EFNA5: variants seen among roughly 807,000 people sequenced by gnomAD.
EFNA5 encodes the protein ephrin A5, also known as ephrin-A5.
A neutral mutation model predicts 22.9 loss-of-function variants in EFNA5; 5 were observed. That is an observed-to-expected ratio of 0.22 (90% CI 0.11 to 0.46). EFNA5 has a LOEUF of 0.46. Ranked by LOEUF, EFNA5 falls within the 20% of genes least tolerant of loss-of-function variation. EFNA5 has a pLI of 0.99. For missense variants in EFNA5, 237 were observed against 293.3 expected, an observed-to-expected ratio of 0.81 and a Z score of 1.40; for synonymous variants, 113 against 112.2, an observed-to-expected ratio of 1.01 and a Z score of -0.04.
intron 1 of EFNA5, among the ~76,000 whole-genome samples, chr5:107,470,354 G>A (rs551813403): frequency 4.3e-4 from 66 of 152,326 alleles, no homozygotes; most frequent in African/African-American, 1.5e-3. Context: ...CAAAGCAAAT[G>A]ACACCCAATT....
chr5:107,669,527 G>A (rs1580593107), intron 1 of EFNA5, among the ~76,000 whole-genome samples: 1 of 151,842 alleles, frequency 6.6e-6, no homozygotes, highest in East Asian at 2.0e-4. Context: ...GGGCACTCTG[G>A]ATAACCTCCC....
At chr5:107,594,483 G>T (rs1749436059) in intron 1 of EFNA5, among the ~76,000 whole-genome samples, 1 of 152,144 alleles carries the variant, frequency 6.6e-6, no homozygotes, top group Admixed American at 6.5e-5. Flanking sequence ...GGATAAGTGT[G>T]CCAGCTGCTG....
intron 1 of EFNA5, among the ~76,000 whole-genome samples, chr5:107,610,884 A>T (rs961157827): frequency 6.6e-6 from 1 of 152,180 alleles, no homozygotes; most frequent in African/African-American, 2.4e-5. Context: ...TAGCAAGCAG[A>T]GAATTTTCTA....
At chr5:107,455,613 T>C (rs935041898) in intron 1 of EFNA5, among the ~76,000 whole-genome samples, 67 of 152,168 alleles carry the variant, frequency 4.4e-4, no homozygotes, top group African/African-American at 1.6e-3. Flanking sequence ...AGTGTTGCCT[T>C]TATCAAATAA....
intron 1 of EFNA5, among the ~76,000 whole-genome samples, chr5:107,657,728 C>T (rs756886718): frequency 6.6e-6 from 1 of 152,038 alleles, no homozygotes; most frequent in African/African-American, 2.4e-5. Flanking sequence ...ACCGTTTTAT[C>T]TCTTTTAAAA....
At chr5:107,398,327 T>C (rs185726154) in intron 2 of EFNA5, among the ~76,000 whole-genome samples, 49 of 152,284 alleles carry the variant, frequency 3.2e-4, no homozygotes, top group African/African-American at 1.2e-3. Flanking sequence ...TCTTCCAGGT[T>C]CCCACAGAGA....
chr5:107,598,595 T>C (rs1749523214), intron 1 of EFNA5, among the ~76,000 whole-genome samples: 2 of 152,162 alleles, frequency 1.3e-5, no homozygotes, highest in Non-Finnish European at 2.9e-5. Context: ...GAAGGCTATG[T>C]ACCCACAAAG....
intron 1 of EFNA5, among the ~76,000 whole-genome samples, chr5:107,614,657 C>T (rs1749878596): frequency 6.6e-6 from 1 of 152,092 alleles, no homozygotes; most frequent in African/African-American, 2.4e-5. Flanking sequence ...TCTTAGCTTT[C>T]AGGATAGTCA....
intron 1 of EFNA5, among the ~76,000 whole-genome samples, chr5:107,554,555 G>T (rs971772485): frequency 6.6e-6 from 1 of 152,052 alleles, no homozygotes; most frequent in Non-Finnish European, 1.5e-5. Context: ...AGAAACATTA[G>T]GTGGAAGAGA....
chr5:107,477,163 A>C (rs2112393993), intron 1 of EFNA5, among the ~76,000 whole-genome samples: 1 of 152,334 alleles, frequency 6.6e-6, no homozygotes. Context: ...TTACTGGCTT[A>C]TCAAGAGAGA....
At chr5:107,489,419 C>T (rs1407756949) in intron 1 of EFNA5, among the ~76,000 whole-genome samples, 1 of 152,144 alleles carries the variant, frequency 6.6e-6, no homozygotes, top group African/African-American at 2.4e-5. Context: ...GATCTGCCTG[C>T]CCTGGCCTCC....
chr5:107,524,925 C>T (rs1186237273), intron 1 of EFNA5, among the ~76,000 whole-genome samples: 1 of 152,168 alleles, frequency 6.6e-6, no homozygotes, highest in African/African-American at 2.4e-5. Flanking sequence ...CATGCAAGCT[C>T]CCAGTTTTAA....
chr5:107,501,464 C>T (rs1747133244), intron 1 of EFNA5, among the ~76,000 whole-genome samples: 1 of 141,540 alleles, frequency 7.1e-6, no homozygotes, highest in South Asian at 2.4e-4. Context: ...GATATTATAG[C>T]TTATGAAATC....
intron 1 of EFNA5, among the ~76,000 whole-genome samples, chr5:107,579,490 C>A (rs1370204058): frequency 6.6e-6 from 1 of 150,492 alleles, no homozygotes; most frequent in Non-Finnish European, 1.5e-5. Flanking sequence ...GCATGACAGA[C>A]AAGAGGCTCC....
chr5:107,448,392 A>T (rs1263077360), intron 1 of EFNA5, among the ~76,000 whole-genome samples: 1 of 152,212 alleles, frequency 6.6e-6, no homozygotes, highest in East Asian at 1.9e-4. Flanking sequence ...GGAAAGCTAC[A>T]AAATAATACA....
At chr5:107,670,463 T>C in intron 1 of EFNA5, 26 bp downstream of exon 1, 2 of 1,547,910 alleles carry the variant, frequency 1.3e-6, no homozygotes, top group Non-Finnish European at 1.7e-6. Context: ...CGGGTAGCCC[T>C]GGCTCTCCGC....
At chr5:107,657,817 G>A (rs1475592130) in intron 1 of EFNA5, among the ~76,000 whole-genome samples, 2 of 151,994 alleles carry the variant, frequency 1.3e-5, no homozygotes, top group African/African-American at 2.4e-5. Flanking sequence ...AGTTCATTTA[G>A]ATTAGTAATA....
At chr5:107,540,544 T>C (rs546519195) in intron 1 of EFNA5, among the ~76,000 whole-genome samples, 5 of 152,280 alleles carry the variant, frequency 3.3e-5, no homozygotes, top group Middle Eastern at 6.8e-3. Flanking sequence ...ATAATACATA[T>C]GAAAATGTTC....
At chr5:107,556,790 A>AAATAAATAAATAAATATATAAAAT (rs142616864) in intron 1 of EFNA5, among the ~76,000 whole-genome samples, 15 of 140,548 alleles carry the variant, frequency 1.1e-4, no homozygotes, top group African/African-American at 2.9e-4. Context: ...ATAAATAAAT[A>AAATAAATAAATAAATATATAAAAT]AAATAAAATA....
Sources: allele counts gnomAD v4.1 joint callset (sites outside exome capture counted in the v4.1 genomes callset), GRCh38; gene constraint gnomAD v4.1.1; transcripts MANE v1.5; gene names NCBI Gene and HGNC (gene_info 2026-07-23, HGNC 2026-07-21).